The following DYM variants were observed in gnomAD, a reference collection of about 807,000 sequenced individuals.
DYM encodes dymeclin.
A neutral mutation model predicts 93.1 loss-of-function variants in DYM; 78 were observed. The ratio of observed to expected loss-of-function variants is 0.84; its 90% CI spans 0.70 to 1.01. The LOEUF (loss-of-function observed/expected upper bound fraction) is 1.01. Among genes scored for constraint, DYM ranks in the 50% least tolerant of loss-of-function variants. DYM has a pLI of 0.00. For missense variants in DYM, 789 were observed against 845.0 expected (o/e 0.93, Z 0.82); for synonymous variants, 321 against 319.7 (o/e 1.00, Z -0.04).
chr18:49,178,624 C>T (rs2089627340), intron 14 of DYM, among the ~76,000 whole-genome samples: 2 of 152,076 alleles, frequency 1.3e-5, no homozygotes, highest in African/African-American at 4.8e-5. Flanking sequence ...TCAATATCAA[C>T]AGAATATTTC....
chr18:49,401,914 T>C (rs1004467132), intron 2 of DYM, among the ~76,000 whole-genome samples: 4 of 151,312 alleles, frequency 2.6e-5, no homozygotes, highest in African/African-American at 9.7e-5. Flanking sequence ...TAATCCCAGC[T>C]ACTTGGGAGA....
chr18:49,188,805 A>G (rs1382186037), intron 14 of DYM, among the ~76,000 whole-genome samples: 3 of 152,206 alleles, frequency 2.0e-5, no homozygotes, highest in African/African-American at 7.2e-5. Context: ...TAACCTGCAC[A>G]TTGTGCACAT....
intron 7 of DYM, among the ~76,000 whole-genome samples, chr18:49,333,432 C>T (rs1397859046): frequency 6.6e-6 from 1 of 152,144 alleles, no homozygotes; most frequent in African/African-American, 2.4e-5. Context: ...GACTTGACTG[C>T]TTAAACATAG....
At chr18:49,049,751 G>A (rs2072145026) in intron 17 of DYM, 2 of 154,352 alleles carry the variant, frequency 1.3e-5, no homozygotes, top group Non-Finnish European at 2.9e-5. Context: ...GCGAAGTCTA[G>A]TCTTTAGATG....
rs72500406 is a variant in DYM at position 49,206,003 on chromosome 18, G to GTT, written c.1625+3546_1625+3547dup. 16 of 142,816 alleles carry GTT rather than the reference G, an allele frequency of 1.1e-4. 1 individual carries two copies. Among genetic ancestry groups the GTT allele is most frequent in the South Asian group, 7.2e-4 (3 of 4,140 alleles). 8.8% of individuals were successfully genotyped at this position (142,816 alleles called of 1,614,324 possible). ...TTGACTAAGGTAGAGTTTTTTTTTTGTTTTTTTGTTTTTTGCGGAGTCTTG... is the reference window on the plus strand; with the variant it reads ...TTGACTAAGGTAGAGTTTTTTTTTTGTTTTTTTTTGTTTTTTGCGGAGTCTTG... On this transcript the variant is annotated intron_variant, in intron 14 of 17. Transcript: ENST00000675505.
intron 1 of DYM, among the ~76,000 whole-genome samples, chr18:49,455,408 G>A (rs902119140): frequency 3.3e-5 from 5 of 152,084 alleles, no homozygotes; most frequent in Admixed American, 1.3e-4. Context: ...TATCCAAGTC[G>A]AGAAATCTAA....
chr18:49,281,450 T>C (rs1352278263), intron 10 of DYM, among the ~76,000 whole-genome samples: 5 of 152,300 alleles, frequency 3.3e-5, no homozygotes, highest in Non-Finnish European at 7.4e-5. Flanking sequence ...ATCCCATTAC[T>C]GGGTATAGAC....
chr18:49,097,874 G>GCTCTCTCTCTCTCT (rs61301668), intron 16 of DYM, among the ~76,000 whole-genome samples: 88 of 141,286 alleles, frequency 6.2e-4, no homozygotes, highest in Non-Finnish European at 7.4e-4. Flanking sequence ...CTTAATATTA[G>GCTCTCTCTCTCTCT]CTCTCTCTCT....
chr18:49,402,914 C>G (rs1179262714), intron 2 of DYM, among the ~76,000 whole-genome samples: 1 of 152,156 alleles, frequency 6.6e-6, no homozygotes, highest in Non-Finnish European at 1.5e-5. Flanking sequence ...TCATTAACTA[C>G]TGGTATGACC....
chr18:49,220,547 C>A (rs2093305890), intron 13 of DYM, among the ~76,000 whole-genome samples: 1 of 150,780 alleles, frequency 6.6e-6, no homozygotes, highest in Non-Finnish European at 1.5e-5. Context: ...GTACTGGTAC[C>A]AAAACAGAGA....
chr18:49,223,155 A>T (rs1347843762), intron 13 of DYM, among the ~76,000 whole-genome samples: 4 of 152,128 alleles, frequency 2.6e-5, no homozygotes, highest in Admixed American at 6.6e-5. Flanking sequence ...AGGAAGATGC[A>T]AACAAACAAA....
intron 5 of DYM, among the ~76,000 whole-genome samples, chr18:49,372,710 A>G (rs892758877): frequency 2.6e-5 from 4 of 152,128 alleles, no homozygotes; most frequent in Non-Finnish European, 1.5e-5. Context: ...GCACCACCGC[A>G]CTCCAGCCCA....
intron 14 of DYM, among the ~76,000 whole-genome samples, chr18:49,199,129 CA>C (rs1172452517): frequency 6.6e-6 from 1 of 151,918 alleles, no homozygotes; most frequent in Admixed American, 6.6e-5. Flanking sequence ...ATCACAAGGA[CA>C]AAAAACCAAA....
intron 16 of DYM, among the ~76,000 whole-genome samples, chr18:49,106,315 G>C (rs958082013): frequency 6.6e-6 from 1 of 152,066 alleles, no homozygotes; most frequent in Admixed American, 6.6e-5. Context: ...ATGTGAGATG[G>C]GTTTCCTGAA....
chr18:49,058,135 A>G (rs1052248287), intron 17 of DYM, among the ~76,000 whole-genome samples: 8 of 152,212 alleles, frequency 5.3e-5, no homozygotes, highest in Non-Finnish European at 1.2e-4. Flanking sequence ...TGGAAAATAC[A>G]AGACCTTTCC....
At chr18:49,051,793 C>T (rs953717446) in intron 17 of DYM, among the ~76,000 whole-genome samples, 3 of 152,192 alleles carry the variant, frequency 2.0e-5, no homozygotes, top group Non-Finnish European at 2.9e-5. Flanking sequence ...CTAGTGAAGG[C>T]CTGGTCCCCT....
chr18:49,213,584 G>A (rs1446848255), intron 13 of DYM, among the ~76,000 whole-genome samples: 3 of 152,054 alleles, frequency 2.0e-5, no homozygotes, highest in Non-Finnish European at 4.4e-5. Context: ...CCAAAGTGAT[G>A]GGATTACAGG....
At position 49,055,480 on chromosome 18, in the gene DYM, G is replaced by A. The variant is rs577493821; in HGVS notation, c.2026-11276C>T. Among the ~76,000 whole-genome samples the A allele has an allele frequency of 2.8e-3, 428 of 152,322 alleles. 2 individuals carry two copies. Among genetic ancestry groups the A allele is most frequent in the Admixed American group, 5.0e-3 (77 of 15,304 alleles). ...ATTCCTACTTAGGAGGCTGGGAGAA[G>A]GAGAATATTTTGATTCCAAGGTAGG... On this transcript the variant is annotated intron_variant, in intron 17 of 17. Coordinates refer to ENST00000675505, the MANE Select transcript of DYM (RefSeq NM_001353214.3).
At chr18:49,439,143 A>G (rs2081103666) in intron 1 of DYM, among the ~76,000 whole-genome samples, 1 of 152,180 alleles carries the variant, frequency 6.6e-6, no homozygotes, top group Non-Finnish European at 1.5e-5. Flanking sequence ...CCAGGAAGCC[A>G]GTTCTGTTGA....
Sources: gnomAD v4.1 joint callset for allele counts (sites outside exome capture counted in the v4.1 genomes callset) on GRCh38, gnomAD v4.1.1 for gene constraint, MANE v1.5 for transcripts, NCBI Gene and HGNC (gene_info 2026-07-23, HGNC 2026-07-21) for gene names.